Variants in FER observed in about 807,000 individuals in gnomAD.
FER encodes the protein tyrosine-protein kinase Fer.
Under a neutral mutation model 111.0 loss-of-function variants are expected in FER, and 63 were observed. That is an observed-to-expected ratio of 0.57 (90% CI 0.46 to 0.70). The LOEUF is 0.70. Ranked by LOEUF, FER falls within the 30% of genes least tolerant of loss-of-function variation. FER has a pLI of 0.00. For missense variants in FER, 914 were observed against 954.0 expected (o/e 0.96, Z 0.55); for synonymous variants, 327 against 313.9 (o/e 1.04, Z -0.44).
At chr5:109,135,840 A>T (rs1432623932) in intron 17 of FER, among the ~76,000 whole-genome samples, 2 of 152,174 alleles carry the variant, frequency 1.3e-5, no homozygotes, top group Non-Finnish European at 2.9e-5. Flanking sequence ...GTGAAGTTCT[A>T]ATAACCAGCG....
intron 11 of FER, among the ~76,000 whole-genome samples, chr5:108,946,562 A>G (rs865912119): frequency 1.3e-5 from 2 of 152,112 alleles, no homozygotes; most frequent in South Asian, 4.1e-4. Context: ...ATTCTTTTCT[A>G]GTGAAACATA....
intron 8 of FER, among the ~76,000 whole-genome samples, chr5:108,874,080 A>G (rs1226604780): frequency 2.0e-5 from 3 of 152,182 alleles, no homozygotes; most frequent in African/African-American, 4.8e-5. Context: ...TTTACTGTAT[A>G]TCTAAGGTTG....
intron 17 of FER, among the ~76,000 whole-genome samples, chr5:109,123,880 T>C (rs1751328356): frequency 6.6e-6 from 1 of 152,238 alleles, no homozygotes; most frequent in Admixed American, 6.5e-5. Flanking sequence ...TGTGGGCTTA[T>C]GTTGTTCTAT....
At chr5:108,780,316 G>A (rs1265124122) in intron 2 of FER, among the ~76,000 whole-genome samples, 1 of 151,198 alleles carries the variant, frequency 6.6e-6, no homozygotes, top group African/African-American at 2.4e-5. Flanking sequence ...ATTTATGTTT[G>A]AGAAACTATT....
At chr5:108,754,829 A>G (rs1485991027) in intron 1 of FER, among the ~76,000 whole-genome samples, 1 of 152,260 alleles carries the variant, frequency 6.6e-6, no homozygotes, top group African/African-American at 2.4e-5. Flanking sequence ...GGCACTTAGA[A>G]TGTAAAAATG....
intron 17 of FER, among the ~76,000 whole-genome samples, chr5:109,128,830 TA>T (rs1481612394): frequency 6.6e-6 from 1 of 152,110 alleles, no homozygotes; most frequent in East Asian, 1.9e-4. Flanking sequence ...AAAATGATTC[TA>T]AAGTGTGTCT....
At chr5:108,964,184 C>A (rs147706001) in intron 13 of FER, among the ~76,000 whole-genome samples, 1 of 151,868 alleles carries the variant, frequency 6.6e-6, no homozygotes, top group Non-Finnish European at 1.5e-5. Context: ...TATGTTAGAG[C>A]GAATAAATGT....
intron 10 of FER, among the ~76,000 whole-genome samples, chr5:108,903,841 C>T (rs191854945): frequency 5.7e-4 from 87 of 152,252 alleles, no homozygotes; most frequent in South Asian, 2.9e-3. Flanking sequence ...ATAGGTAGTA[C>T]ATGCACATTT....
intron 1 of FER, among the ~76,000 whole-genome samples, chr5:108,765,183 A>G (rs1752180983): frequency 6.6e-6 from 1 of 152,204 alleles, no homozygotes; most frequent in Non-Finnish European, 1.5e-5. Context: ...GGTAAGCATG[A>G]TAATACCTTT....
intron 17 of FER, among the ~76,000 whole-genome samples, chr5:109,102,745 C>G (rs1172911709): frequency 6.6e-6 from 1 of 151,858 alleles, no homozygotes; most frequent in African/African-American, 2.4e-5. Flanking sequence ...ACTAGTGGTC[C>G]TTTGTTCCTC....
At chr5:108,894,388 G>T (rs1469833126) in intron 9 of FER, 1 of 965,162 alleles carries the variant, frequency 1.0e-6, no homozygotes, top group Non-Finnish European at 1.4e-6. Flanking sequence ...GCATCCTGTA[G>T]CAACTGTTTG....
intron 16 of FER, among the ~76,000 whole-genome samples, chr5:109,097,445 T>C (rs1747681902): frequency 6.6e-6 from 1 of 151,978 alleles, no homozygotes; most frequent in Non-Finnish European, 1.5e-5. Context: ...AAGATCCTTA[T>C]TGCAATGGTC....
intron 10 of FER, among the ~76,000 whole-genome samples, chr5:108,912,234 C>G (rs1751654182): frequency 6.6e-6 from 1 of 152,090 alleles, no homozygotes; most frequent in Non-Finnish European, 1.5e-5. Context: ...TTACTTTAGC[C>G]TTGTAGTATA....
intron 13 of FER, among the ~76,000 whole-genome samples, chr5:109,013,784 T>G (rs1403716253): frequency 2.7e-5 from 4 of 149,738 alleles, no homozygotes; most frequent in African/African-American, 4.9e-5. Flanking sequence ...CTAACTGGTG[T>G]GAGATGGTAT....
intron 10 of FER, among the ~76,000 whole-genome samples, chr5:108,904,846 T>G (rs1247967744): frequency 2.0e-5 from 3 of 152,136 alleles, no homozygotes; most frequent in Non-Finnish European, 4.4e-5. Flanking sequence ...TGAGTAAATT[T>G]TTGCTTCCAG....
chr5:108,849,805 C>G (rs948715995), intron 5 of FER, among the ~76,000 whole-genome samples: 1 of 152,106 alleles, frequency 6.6e-6, no homozygotes. Context: ...TATAAGACTT[C>G]TAGTCCAAGG....
chr5:108,769,495 T>C (rs1006215020), intron 2 of FER, among the ~76,000 whole-genome samples: 12 of 152,198 alleles, frequency 7.9e-5, no homozygotes, highest in Non-Finnish European at 1.5e-4. Flanking sequence ...GTTTGCATTT[T>C]ATATCATTTT....
At chr5:109,009,985 A>G (rs372612884) in intron 13 of FER, among the ~76,000 whole-genome samples, 1 of 152,214 alleles carries the variant, frequency 6.6e-6, no homozygotes, top group Admixed American at 6.5e-5. Flanking sequence ...CTGTTGGTCA[A>G]AGTAAGTAAC....
Position 109,104,272 on chromosome 5 carries a change from T to A in FER, c.2048+3753T>A, listed in dbSNP as rs1270270186. 3.9e-5 allele frequency among the ~76,000 whole-genome samples: 6 copies of A among 152,330 alleles called. No individual in the cohort carries two copies. In the South Asian group the frequency reaches 1.2e-3, roughly 32 times the overall value. On this transcript the variant is annotated intron_variant, in intron 17 of 19. Coordinates refer to ENST00000281092, the MANE Select transcript of FER (RefSeq NM_005246.4). ...GCTTATGCATTGAAGACATTGATAT[T>A]TCCAGTGTTTCACAAATGTGGGCAG...
Sources: gnomAD v4.1 joint callset for allele counts (sites outside exome capture counted in the v4.1 genomes callset) on GRCh38, gnomAD v4.1.1 for gene constraint, MANE v1.5 for transcripts, NCBI Gene and HGNC (gene_info 2026-07-23, HGNC 2026-07-21) for gene names.